SLCO1B1: variants seen among roughly 807,000 people sequenced by gnomAD.
SLCO1B1 encodes OATP-2.
SLCO1B1 carries 81 observed loss-of-function variants against 70.1 expected under a neutral mutation model. That is an observed-to-expected ratio of 1.16 (90% confidence interval 0.97 to 1.39). SLCO1B1 has a LOEUF of 1.39. SLCO1B1 is among the 40% of genes most tolerant of loss of function. The pLI, the probability that SLCO1B1 is intolerant of heterozygous loss-of-function variation, is 0.00. For synonymous variants in SLCO1B1, 283 were observed against 271.5 expected, an observed-to-expected ratio of 1.04 and a Z score of -0.42; for missense variants, 895 against 799.6, an observed-to-expected ratio of 1.12 and a Z score of -1.44.
rs531430160 is a variant in SLCO1B1 at position 21,232,901 on chromosome 12, G to A, written c.1866-6078G>A. 4.9e-4 allele frequency among the ~76,000 whole-genome samples: 74 copies of A among 152,118 alleles called. 1 individual carries two copies. In the Middle Eastern group the frequency reaches 0.01, roughly 21 times the overall value. The stretch of plus-strand genomic sequence containing the variant: ...CCCTGCTCATTGCACCATAGCTTTG[G>A]GGGCCAAGCCACTTTACAAAAGAAA... On this transcript the variant is annotated intron_variant, in intron 14 of 14. Transcript: ENST00000256958.
chr12:21,185,077 T>A lies in SLCO1B1; in HGVS notation c.727+6057T>A, dbSNP rs140670469. Among the ~76,000 whole-genome samples, 26 of 152,196 alleles carry A rather than the reference T, an allele frequency of 1.7e-4. 1 individual carries two copies. The highest frequency in any genetic ancestry group is 5.2e-4 in the Admixed American group (8 of 15,282). ...AGAAGACTTAACTATTCTAAATATA[T>A]ATGCAGTCAAAAGTGGAGGACCCAG... On this transcript the variant is annotated intron_variant, in intron 7 of 14. Coordinates refer to ENST00000256958, the MANE Select transcript of SLCO1B1 (RefSeq NM_006446.5).
chr12:21,139,642 C>T (rs1274102706), intron 1 of SLCO1B1, among the ~76,000 whole-genome samples: 1 of 152,066 alleles, frequency 6.6e-6, no homozygotes, highest in Non-Finnish European at 1.5e-5. Flanking sequence ...GAAAATTTGT[C>T]TATTCACTAA....
chr12:21,222,324 A>G lies in SLCO1B1; in HGVS notation c.1707A>G (p.Ser569=). ...IVKIVQPELK[S]LALGFHSMVI... is the part of the protein sequence containing the mutation. ...GAATTGTTCAACCTGAATTGAAATC[A>G]CTTGCACTGGGTTTCCACTCAATGG... The change falls in exon 13 of 15, where the codon TCA becomes TCG. Residue 569 remains serine (S), a synonymous_variant. Transcript: ENST00000256958. 7.7e-7 allele frequency: 1 copy of G among 1,300,054 alleles called. No homozygotes were observed. Among genetic ancestry groups the G allele is most frequent in the Non-Finnish European group, 1.0e-6 (1 of 980,150 alleles). 80.5% of individuals were successfully genotyped at this position (1,300,054 alleles called of 1,614,324 possible). A position where few individuals can be genotyped will look rare whatever the true frequency, so the allele number is the denominator to read the frequency against.
chr12:21,148,695 CTTT>C (rs71043249), intron 2 of SLCO1B1, among the ~76,000 whole-genome samples: 1,274 of 100,180 alleles, frequency 0.013, 18 homozygotes, highest in East Asian at 0.062. Context: ...GCTATATGGG[CTTT>C]TTTTTTTTTT....
chr12:21,224,633 A>T, intron 13 of SLCO1B1, 89 bp from the exon 14 acceptor site: 1 of 857,720 alleles, frequency 1.2e-6, no homozygotes, highest in Non-Finnish European at 2.0e-6. Flanking sequence ...TTGAACTTTT[A>T]TTTAATCAAA....
intron 7 of SLCO1B1, among the ~76,000 whole-genome samples, chr12:21,180,195 C>T (rs1362987428): frequency 6.6e-6 from 1 of 152,134 alleles, no homozygotes; most frequent in Non-Finnish European, 1.5e-5. Context: ...CACTGTATTC[C>T]CTATATTCCT....
At chr12:21,133,628 CTGTT>C (rs1372464261) in intron 1 of SLCO1B1, among the ~76,000 whole-genome samples, 10 of 152,132 alleles carry the variant, frequency 6.6e-5, no homozygotes, top group African/African-American at 9.6e-5. Context: ...ATTTGGCTCT[CTGTT>C]TGTCTGTTAT....
At chr12:21,159,008 T>G (rs1053114563) in intron 2 of SLCO1B1, among the ~76,000 whole-genome samples, 5 of 152,158 alleles carry the variant, frequency 3.3e-5, no homozygotes, top group Non-Finnish European at 7.4e-5. Context: ...TACTTGATAT[T>G]CTACTAACTG....
intron 2 of SLCO1B1, among the ~76,000 whole-genome samples, chr12:21,150,357 G>A (rs1940454325): frequency 6.6e-6 from 1 of 152,140 alleles, no homozygotes; most frequent in Non-Finnish European, 1.5e-5. Context: ...GGGACAGACT[G>A]CCTCCTTAAG....
chr12:21,237,964 C>T (rs1565447271), intron 14 of SLCO1B1, among the ~76,000 whole-genome samples: 1 of 152,122 alleles, frequency 6.6e-6, no homozygotes, highest in Non-Finnish European at 1.5e-5. Context: ...CTGCCTGCCT[C>T]AGTCTCCCAA....
chr12:21,190,965 A>G (rs1941023367), intron 7 of SLCO1B1, among the ~76,000 whole-genome samples: 1 of 151,518 alleles, frequency 6.6e-6, no homozygotes, highest in South Asian at 2.1e-4. Flanking sequence ...TTTCTTTTTT[A>G]CCCCATTTAT....
intron 7 of SLCO1B1, among the ~76,000 whole-genome samples, chr12:21,188,464 A>G (rs1252208297): frequency 6.6e-6 from 1 of 152,196 alleles, no homozygotes; most frequent in African/African-American, 2.4e-5. Context: ...TCAACTGTTT[A>G]TGTTATTGGT....
At position 21,222,341 on chromosome 12, in the gene SLCO1B1, A is replaced by T. The variant is rs74700754; in HGVS notation, c.1724A>T (p.His575Leu). The part of the protein sequence containing the change: ...PELKSLALGF[H>L]SMVIRALGGI... ...TTGAAATCACTTGCACTGGGTTTCC[A>T]CTCAATGGTTATACGAGCACTAGGT... The change falls in exon 13 of 15, where the codon CAC (histidine) becomes CTC (leucine). Residue 575 changes from histidine to leucine, a missense_variant. Transcript: ENST00000256958. The T allele has an allele frequency of 1.7e-6, 2 of 1,197,506 alleles. No homozygotes were observed. The highest frequency in any genetic ancestry group is 1.1e-6 in the Non-Finnish European group (1 of 898,290). 74.2% of individuals were successfully genotyped at this position (1,197,506 alleles called of 1,614,324 possible).
chr12:21,163,807 G>T (rs534375359), intron 2 of SLCO1B1, among the ~76,000 whole-genome samples: 1 of 152,100 alleles, frequency 6.6e-6, no homozygotes, highest in Non-Finnish European at 1.5e-5. Flanking sequence ...ATTGGGTTAG[G>T]ATTTGACATG....
chr12:21,138,911 G>T (rs1940267858), intron 1 of SLCO1B1, among the ~76,000 whole-genome samples: 2 of 152,162 alleles, frequency 1.3e-5, no homozygotes, highest in South Asian at 4.1e-4. Context: ...GGTTTAGGTT[G>T]TGAAGACCAT....
intron 11 of SLCO1B1, among the ~76,000 whole-genome samples, chr12:21,211,201 C>T (rs932134948): frequency 2.2e-4 from 33 of 152,096 alleles, no homozygotes; most frequent in African/African-American, 7.7e-4. Flanking sequence ...GTGGGTTTGT[C>T]ATAGATAGCT....
chr12:21,222,973 T>G (rs1242269688), intron 13 of SLCO1B1, among the ~76,000 whole-genome samples: 1 of 152,164 alleles, frequency 6.6e-6, no homozygotes, highest in Non-Finnish European at 1.5e-5. Flanking sequence ...AGTATTCTGT[T>G]GGTTTTCTTC....
At chr12:21,148,740 T>C (rs1396599883) in intron 2 of SLCO1B1, among the ~76,000 whole-genome samples, 2 of 151,236 alleles carry the variant, frequency 1.3e-5, no homozygotes, top group Non-Finnish European at 2.9e-5. Flanking sequence ...TTTAAAGTAG[T>C]TTTTTCCAAT....
In SLCO1B1 at chr12:21,239,047, A is replaced by G; in HGVS notation, c.1934A>G (p.Tyr645Cys). The G allele has an allele frequency of 6.3e-7, 1 of 1,593,960 alleles. No individual in the cohort carries two copies. Among genetic ancestry groups the G allele is most frequent in the Non-Finnish European group, 8.6e-7 (1 of 1,162,968 alleles). Residue 645 changes from tyrosine to cysteine, a missense_variant, in exon 15 of 15, where the codon TAT becomes TGT. Physicochemically the swap from Tyr to Cys is radical, Grantham distance 194. Transcript: ENST00000256958. ...CTTGTTTTATATATTATATTAATTT[A>G]TGCCATGAAGAAAAAATATCAAGAG... is the stretch of plus-strand genomic sequence containing the variant. ...SSLVLYIILI[Y>C]AMKKKYQEKD...
Sources: allele counts gnomAD v4.1 joint callset (sites outside exome capture counted in the v4.1 genomes callset), GRCh38; gene constraint gnomAD v4.1.1; transcripts MANE v1.5; gene names NCBI Gene and HGNC (gene_info 2026-07-23, HGNC 2026-07-21).